BRD4: variants seen among roughly 807,000 people sequenced by gnomAD.
BRD4 encodes the protein bromodomain containing 4, also known as bromodomain-containing protein 4.
BRD4 carries 16 observed loss-of-function variants against 142.1 expected under a neutral mutation model. The ratio of observed to expected loss-of-function variants is 0.11; its 90% confidence interval spans 0.08 to 0.17. BRD4 has a LOEUF of 0.17. Among genes scored for constraint, BRD4 ranks in the 10% least tolerant of loss-of-function variants. The probability of loss-of-function intolerance (pLI) is 1.00; values close to 1 mark genes in which losing one functional copy is unlikely to be tolerated. For synonymous variants in BRD4, 833 were observed against 707.5 expected (o/e 1.18, Z -2.82); for missense variants, 1,424 against 1,810.9 (o/e 0.79, Z 3.88).
chr19:15,241,168 TC>T (rs1413010814), intron 14 of BRD4, among the ~76,000 whole-genome samples: 1 of 152,176 alleles, frequency 6.6e-6, no homozygotes, highest in Non-Finnish European at 1.5e-5. Flanking sequence ...CGTTGACATC[TC>T]CTCCAATTCT....
chr19:15,330,024 G>C (rs2048143318), intron 1 of BRD4, among the ~76,000 whole-genome samples: 1 of 152,218 alleles, frequency 6.6e-6, no homozygotes, highest in South Asian at 2.1e-4. Context: ...CTCCAGACTA[G>C]CGAAGCTAGG....
Position 15,237,650 on chromosome 19 carries a change from G to GA in BRD4, c.*726dup, listed in dbSNP as rs1195259491. ...AAAAAAGAAAAAAAAAAACGAAACAGAAACACAGGTGGGAAGGAACTGACT... is the reference window on the plus strand; with the variant it reads ...AAAAAAGAAAAAAAAAAACGAAACAGAAAACACAGGTGGGAAGGAACTGACT... On this transcript the variant is annotated 3_prime_UTR_variant, in exon 20 of 20. Transcript: ENST00000679869. 3.9e-5 allele frequency: 9 copies of GA among 230,792 alleles called. No homozygotes were observed. Among genetic ancestry groups the GA allele is most frequent in the Non-Finnish European group, 7.7e-5 (9 of 116,892 alleles). 14.3% of individuals were successfully genotyped at this position (230,792 alleles called of 1,614,324 possible).
chr19:15,271,692 C>T (rs1041331976), intron 2 of BRD4, among the ~76,000 whole-genome samples: 6 of 152,244 alleles, frequency 3.9e-5, no homozygotes, highest in Admixed American at 3.9e-4. Flanking sequence ...TGACTGCCTC[C>T]ACTCCTCATC....
chr19:15,294,992 C>T (rs2047811979), intron 1 of BRD4, among the ~76,000 whole-genome samples: 1 of 152,240 alleles, frequency 6.6e-6, no homozygotes, highest in African/African-American at 2.4e-5. Flanking sequence ...TCTAAACACT[C>T]AACACCATAC....
chr19:15,279,773 A>C (rs1419105758), intron 1 of BRD4, among the ~76,000 whole-genome samples: 1 of 152,146 alleles, frequency 6.6e-6, no homozygotes, highest in Non-Finnish European at 1.5e-5. Context: ...GAGAAAACCA[A>C]TGGGTTGGGA....
chr19:15,309,862 CAA>C (rs1267738647), intron 1 of BRD4, among the ~76,000 whole-genome samples: 1 of 152,088 alleles, frequency 6.6e-6, no homozygotes, highest in Non-Finnish European at 1.5e-5. Flanking sequence ...GAGTGAAGGA[CAA>C]AGCAATCAAG....
intron 1 of BRD4, among the ~76,000 whole-genome samples, chr19:15,327,732 A>G (rs1327136348): frequency 1.3e-5 from 2 of 152,110 alleles, no homozygotes; most frequent in Non-Finnish European, 2.9e-5. Flanking sequence ...GCTACACAGC[A>G]AGAACCTTTT....
At chr19:15,284,920 G>A (rs1290401364) in intron 1 of BRD4, among the ~76,000 whole-genome samples, 4 of 152,210 alleles carry the variant, frequency 2.6e-5, no homozygotes, top group African/African-American at 9.6e-5. Flanking sequence ...ACCCACAGAA[G>A]TCAAGCAGCC....
At chr19:15,297,592 C>T (rs971548936) in intron 1 of BRD4, among the ~76,000 whole-genome samples, 5 of 152,214 alleles carry the variant, frequency 3.3e-5, no homozygotes, top group Non-Finnish European at 5.9e-5. Context: ...CTAAGATACG[C>T]TCTGTATTTA....
rs887563937 is a variant in BRD4, at chr19:15,257,125, G to A, written c.1390C>T (p.Pro464Ser). The A allele has an allele frequency of 3.1e-6, 5 of 1,608,844 alleles. No individual in the cohort carries two copies. In the African/African-American group the frequency reaches 6.7e-5, roughly 21 times the overall value. ...FAKMPDEPEE[P>S]VVAVSSPAVP... Reference sequence around the variant, plus strand: ...GCCGGGGAGGACACGGCCACCACTGGCTCCTCAGGCTCGTCCGGCATCTTG... The same window carrying A: ...GCCGGGGAGGACACGGCCACCACTGACTCCTCAGGCTCGTCCGGCATCTTG... The change falls in exon 8 of 20, where the codon CCA becomes TCA. Residue 464 changes from proline to serine, a missense_variant. Pro to Ser is a moderately conservative substitution (Grantham distance 74). This residue lies in a region of BRD4 where 90 missense variants were observed against 93.2 expected (regional missense o/e 0.97). Transcript: ENST00000679869.
Position 15,238,845 on chromosome 19 carries a change from G to GGCA in BRD4, c.3915_3917dup (p.Ala1308dup), listed in dbSNP as rs779357037. 114 of 1,601,978 alleles carry GGCA rather than the reference G, an allele frequency of 7.1e-5. No homozygotes were observed. Among genetic ancestry groups the GGCA allele is most frequent in the Admixed American group, 1.0e-4 (6 of 59,128 alleles). On this transcript the variant is annotated inframe_insertion, in exon 19 of 20. Transcript: ENST00000679869. The surrounding 1 kb of genome is among the most constrained non-coding windows in gnomAD (Gnocchi z 7.2). ...AGCTCTGGGCCTGTGGGGTGGCGGC[G>GGCA]GCAGCCACCGCAGCTGCTTGCTGTT...
At position 15,238,637 on chromosome 19, in the gene BRD4, C is replaced by T. The variant is rs1057160988; in HGVS notation, c.4020+106G>A. ...AGGACCACATGCCGACCAGCAGGGACGGGGCTCCCCCGCTGCCCCTCCCTG... is the reference window on the plus strand; with the variant it reads ...AGGACCACATGCCGACCAGCAGGGATGGGGCTCCCCCGCTGCCCCTCCCTG... On this transcript the variant is annotated intron_variant, in intron 19 of 19. Coordinates refer to ENST00000679869, the MANE Select transcript of BRD4 (RefSeq NM_001379291.1). The surrounding 1 kb of genome is among the most constrained non-coding windows in gnomAD (Gnocchi z 7.2). The T allele has an allele frequency of 1.3e-5, 19 of 1,451,400 alleles. No homozygotes were observed. Among genetic ancestry groups the T allele is most frequent in the Middle Eastern group, 2.5e-4 (1 of 3,928 alleles). The allele number at this position is 1,451,400 out of a possible 1,614,324, so 89.9% of individuals were successfully genotyped here.
At chr19:15,292,247 C>T (rs1439666501) in intron 1 of BRD4, among the ~76,000 whole-genome samples, 1 of 152,144 alleles carries the variant, frequency 6.6e-6, no homozygotes, top group Non-Finnish European at 1.5e-5. Flanking sequence ...ATACAACTCT[C>T]ATAGGCCAAA....
chr19:15,311,543 T>C (rs896497168), intron 1 of BRD4, among the ~76,000 whole-genome samples: 3 of 151,248 alleles, frequency 2.0e-5, no homozygotes, highest in Admixed American at 2.0e-4. Context: ...GTAATCCCAG[T>C]ACTTTGGGAG....
Position 15,238,577 on chromosome 19 carries a change from C to T in BRD4, c.4021-132G>A. The T allele has an allele frequency of 6.6e-7, 1 of 1,520,484 alleles. No individual in the cohort carries two copies. The highest frequency in any genetic ancestry group is 8.8e-7 in the Non-Finnish European group (1 of 1,133,086). 94.2% of individuals were successfully genotyped at this position (1,520,484 alleles called of 1,614,324 possible). ...TGACCCCTCATAGCGCTCACCCCGT[C>T]CACACAGCACTCAGGGCCCTACAGC... is the stretch of plus-strand genomic sequence containing the variant. On this transcript the variant is annotated intron_variant, in intron 19 of 19. Transcript: ENST00000679869. This position sits in a 1 kb window ranked among gnomAD's most constrained non-coding sequence, Gnocchi z 7.2.
chr19:15,237,378 GATTT>G lies in BRD4; in HGVS notation c.*995_*998del, dbSNP rs1258394020. ...TTTTTGTGTGTTTTGTCTTTTTGTGGATTTTTTTGAGCTTTTTTCTTTTTTCACA... is the reference window on the plus strand; with the variant it reads ...TTTTTGTGTGTTTTGTCTTTTTGTGGTTTTGAGCTTTTTTCTTTTTTCACA... On this transcript the variant is annotated 3_prime_UTR_variant, in exon 20 of 20. Coordinates refer to ENST00000679869, the MANE Select transcript of BRD4 (RefSeq NM_001379291.1). The G allele has an allele frequency of 4.5e-6, 1 of 221,344 alleles. No homozygotes were observed. The highest frequency in any genetic ancestry group is 9.0e-6 in the Non-Finnish European group (1 of 110,880). The allele number at this position is 221,344 out of a possible 1,614,324, so 13.7% of individuals were successfully genotyped here. A position where few individuals can be genotyped will look rare whatever the true frequency, so the allele number is the denominator to read the frequency against.
At chr19:15,329,286 A>T (rs1277477273) in intron 1 of BRD4, among the ~76,000 whole-genome samples, 1 of 152,190 alleles carries the variant, frequency 6.6e-6, no homozygotes, top group Non-Finnish European at 1.5e-5. Context: ...TTTGCCAGGA[A>T]CATAAAGACA....
chr19:15,330,087 C>A (rs1277278901), intron 1 of BRD4, among the ~76,000 whole-genome samples: 1 of 152,220 alleles, frequency 6.6e-6, no homozygotes, highest in African/African-American at 2.4e-5. Flanking sequence ...CAGCTACCTT[C>A]TTATCTTTCA....
intron 1 of BRD4, among the ~76,000 whole-genome samples, chr19:15,278,993 C>A (rs1245449317): frequency 6.6e-6 from 1 of 152,196 alleles, no homozygotes; most frequent in Non-Finnish European, 1.5e-5. Context: ...AAGCATGCGC[C>A]TGCACGCCTG....
Sources: allele counts gnomAD v4.1 joint callset (sites outside exome capture counted in the v4.1 genomes callset), GRCh38; gene constraint gnomAD v4.1.1; regional missense constraint gnomAD v4.1.1; non-coding constraint Gnocchi (gnomAD v3.1); transcripts MANE v1.5; gene names NCBI Gene and HGNC (gene_info 2026-07-23, HGNC 2026-07-21).